UBE2D1: variants seen among roughly 807,000 people sequenced by gnomAD.
UBE2D1 encodes ubiquitin conjugating enzyme E2 D1.
Under a neutral mutation model 24.6 loss-of-function variants are expected in UBE2D1, and 9 were observed. The observed-to-expected ratio is 0.37, with a 90% CI of 0.22 to 0.64. The LOEUF is 0.64. Ranked by LOEUF, UBE2D1 falls within the 30% of genes least tolerant of loss-of-function variation. The pLI is 0.64. For missense variants in UBE2D1, 87 were observed against 177.1 expected, an observed-to-expected ratio of 0.49 and a Z score of 2.89; for synonymous variants, 57 against 57.6, an observed-to-expected ratio of 0.99 and a Z score of 0.04.
chr10:58,367,319 G>A (rs1485226493), intron 5 of UBE2D1, among the ~76,000 whole-genome samples: 1 of 152,022 alleles, frequency 6.6e-6, no homozygotes, highest in Non-Finnish European at 1.5e-5. Flanking sequence ...GTGTGTGTGT[G>A]TGTTAGTGTA....
intron 3 of UBE2D1, among the ~76,000 whole-genome samples, chr10:58,361,868 T>C (rs1840202922): frequency 6.6e-6 from 1 of 151,848 alleles, no homozygotes. Flanking sequence ...TCCACAGTTT[T>C]GGTAGGTTAG....
chr10:58,347,792 C>T (rs1840033077), intron 1 of UBE2D1, among the ~76,000 whole-genome samples: 2 of 152,036 alleles, frequency 1.3e-5, no homozygotes. Context: ...GGATTACAGA[C>T]ATGTGCCACC....
At chr10:58,367,804 T>C in intron 5 of UBE2D1, 119 bp from the exon 6 acceptor site, 1 of 499,048 alleles carries the variant, frequency 2.0e-6, no homozygotes, top group African/African-American at 2.1e-5. Context: ...ATTTGATGTG[T>C]TCATTTTATG....
At chr10:58,367,302 A>AGT (rs34565317) in intron 5 of UBE2D1, among the ~76,000 whole-genome samples, 23,584 of 149,638 alleles carry the variant, frequency 0.16, 2,268 homozygotes, top group African/African-American at 0.27. Flanking sequence ...TTAGATCGTT[A>AGT]GTGTGTGTGT....
chr10:58,349,309 A>G (rs1158852036), intron 1 of UBE2D1, among the ~76,000 whole-genome samples: 1 of 152,120 alleles, frequency 6.6e-6, no homozygotes, highest in African/African-American at 2.4e-5. Flanking sequence ...GGCACAGACT[A>G]CTTTTTTGTG....
intron 1 of UBE2D1, among the ~76,000 whole-genome samples, chr10:58,360,686 G>A (rs773293283): frequency 4.6e-5 from 7 of 152,146 alleles, no homozygotes; most frequent in Non-Finnish European, 8.8e-5. Flanking sequence ...TTGGGAGGCC[G>A]AGGCAGGTGG....
chr10:58,367,239 T>C (rs1298160933), intron 5 of UBE2D1, among the ~76,000 whole-genome samples: 4 of 152,008 alleles, frequency 2.6e-5, no homozygotes, highest in Non-Finnish European at 2.9e-5. Flanking sequence ...TGGCATGCAA[T>C]TGAAGCAGAC....
intron 1 of UBE2D1, chr10:58,360,926 A>C: frequency 2.2e-6 from 1 of 453,590 alleles, no homozygotes; most frequent in South Asian, 1.6e-5. Context: ...TGTCTCAAAA[A>C]AAAAAAAAAA....
intron 5 of UBE2D1, among the ~76,000 whole-genome samples, chr10:58,366,944 T>G (rs1485816130): frequency 6.6e-6 from 1 of 152,166 alleles, no homozygotes; most frequent in African/African-American, 2.4e-5. Flanking sequence ...GGAAGCATTC[T>G]GGGGCTGTAA....
chr10:58,350,905 G>C (rs1840068761), intron 1 of UBE2D1, among the ~76,000 whole-genome samples: 1 of 152,190 alleles, frequency 6.6e-6, no homozygotes, highest in South Asian at 2.1e-4. Flanking sequence ...GTTGCTCCTA[G>C]GCTAGAAACC....
chr10:58,358,043 A>G (rs1564560983), intron 1 of UBE2D1, among the ~76,000 whole-genome samples: 1 of 152,070 alleles, frequency 6.6e-6, no homozygotes, highest in African/African-American at 2.4e-5. Context: ...GTTTTTATAT[A>G]TAATATAATA....
In UBE2D1 at chr10:58,361,484, G is replaced by A. The variant is rs899663028; in HGVS notation, c.89-11G>A. 1 of 1,613,998 alleles carries A rather than the reference G, an allele frequency of 6.2e-7. No homozygotes were observed. Among genetic ancestry groups the A allele is most frequent in the Non-Finnish European group, 8.5e-7 (1 of 1,179,986 alleles). The stretch of plus-strand genomic sequence containing the variant: ...TTGTTAATGACTCCAAAACTCCTTT[G>A]TTTGTTTCAGTGTTCCACTGGCAAG... On this transcript the variant is annotated splice_polypyrimidine_tract_variant and intron_variant, in intron 2 of 6. Transcript: ENST00000373910.
chr10:58,335,314 G>C lies in UBE2D1; in HGVS notation c.24+89G>C, dbSNP rs1839890252. 3.2e-5 allele frequency: 44 copies of C among 1,385,738 alleles called. 1 individual carries two copies. The East Asian group carries it at 1.3e-3, about 39-fold the overall frequency. 85.8% of individuals were successfully genotyped at this position (1,385,738 alleles called of 1,614,324 possible). On this transcript the variant is annotated intron_variant, in intron 1 of 6. Coordinates refer to ENST00000373910, the MANE Select transcript of UBE2D1 (RefSeq NM_003338.5). ...AGTGGTCCCGAGAGACATGCGGGGAGAGCAAGGGATGGAAGGGTGGGCCGG... is the reference window on the plus strand; with the variant it reads ...AGTGGTCCCGAGAGACATGCGGGGACAGCAAGGGATGGAAGGGTGGGCCGG...
At chr10:58,367,144 G>T (rs138029668) in intron 5 of UBE2D1, among the ~76,000 whole-genome samples, 1 of 152,042 alleles carries the variant, frequency 6.6e-6, no homozygotes, top group African/African-American at 2.4e-5. Context: ...GAAAGAGTAC[G>T]AAAATAGAAA....
chr10:58,353,662 T>A (rs933597469), intron 1 of UBE2D1, among the ~76,000 whole-genome samples: 8 of 152,228 alleles, frequency 5.3e-5, no homozygotes, highest in African/African-American at 1.7e-4. Flanking sequence ...GTTGTGACAA[T>A]GGCATAATAT....
At chr10:58,364,492 T>C in intron 4 of UBE2D1, 1 of 249,048 alleles carries the variant, frequency 4.0e-6, no homozygotes, top group Non-Finnish European at 7.7e-6. Context: ...GCTCAACCAG[T>C]CATACCGGCT....
At position 58,367,908 on chromosome 10, in the gene UBE2D1, C is replaced by T; in HGVS notation, c.305-15C>T. The T allele has an allele frequency of 6.4e-7, 1 of 1,559,176 alleles. No individual in the cohort carries two copies. Among genetic ancestry groups the T allele is most frequent in the Non-Finnish European group, 8.8e-7 (1 of 1,132,498 alleles). ...AAGGGTTATTGTCTAATGTGATGTT[C>T]TCTTTTAAATCTAGTTTTATTGTCC... On this transcript the variant is annotated splice_polypyrimidine_tract_variant and intron_variant, in intron 5 of 6. Transcript: ENST00000373910.
chr10:58,335,714 C>T (rs1001020253), intron 1 of UBE2D1, among the ~76,000 whole-genome samples: 11 of 152,228 alleles, frequency 7.2e-5, no homozygotes, highest in South Asian at 2.1e-4. Flanking sequence ...CGGGTTGGTT[C>T]TTTCTCTCCT....
At chr10:58,335,861 A>G (rs1839898028) in intron 1 of UBE2D1, among the ~76,000 whole-genome samples, 1 of 152,096 alleles carries the variant, frequency 6.6e-6, no homozygotes. Flanking sequence ...TGTAGCGAAA[A>G]CATAGTTGCT....
Sources: allele counts gnomAD v4.1 joint callset (sites outside exome capture counted in the v4.1 genomes callset), GRCh38; gene constraint gnomAD v4.1.1; transcripts MANE v1.5; gene names NCBI Gene and HGNC (gene_info 2026-07-23, HGNC 2026-07-21).